KLHL15: variants seen among roughly 807,000 people sequenced by gnomAD.
KLHL15 encodes kelch-like protein 15.
A neutral mutation model predicts 29.3 loss-of-function variants in KLHL15; 1 was observed. That is an observed-to-expected ratio of 0.03 (90% CI 0.01 to 0.16). The LOEUF is 0.16. Among genes scored for constraint, KLHL15 ranks in the 10% least tolerant of loss-of-function variants. The probability of loss-of-function intolerance (pLI) is 1.00; values close to 1 mark genes in which losing one functional copy is unlikely to be tolerated. For synonymous variants in KLHL15, 212 were observed against 184.5 expected (o/e 1.15, Z -1.21); for missense variants, 215 against 478.5 (o/e 0.45, Z 5.14).
rs1485258523 is a variant in KLHL15 at position 24,002,058 on chromosome X, G to A, written c.705+3931C>T. ...TGAGGCAGGAGAATGGCGTGAACCC[G>A]GCAGGTGGAGCTTGCAGTGAGCTGA... is the stretch of plus-strand genomic sequence containing the variant. On this transcript the variant is annotated intron_variant, in intron 3 of 3. Transcript: ENST00000328046. Among the ~76,000 whole-genome samples, 6 of 109,490 alleles carry A rather than the reference G, an allele frequency of 5.5e-5. No homozygotes were observed. In the South Asian group the frequency reaches 1.9e-3, roughly 35 times the overall value.
intron 2 of KLHL15, among the ~76,000 whole-genome samples, chrX:24,010,577 A>G (rs779077310): frequency 2.7e-5 from 3 of 112,139 alleles, no homozygotes; most frequent in Admixed American, 1.9e-4. Flanking sequence ...AGAATATCTC[A>G]TGACTTGGAA....
intron 3 of KLHL15, among the ~76,000 whole-genome samples, chrX:24,005,648 G>A (rs755393795): frequency 5.4e-5 from 6 of 111,904 alleles, no homozygotes; most frequent in South Asian, 7.4e-4. Context: ...ACTCGGTTCC[G>A]ATTTAATTGA....
intron 2 of KLHL15, among the ~76,000 whole-genome samples, chrX:24,012,974 CAAG>C (rs749238499): frequency 3.2e-4 from 36 of 111,249 alleles, no homozygotes; most frequent in Non-Finnish European, 1.9e-4. Context: ...AGGGAGAACA[CAAG>C]AGGTCTATCT....
chrX:24,020,666 C>T (rs896226708), intron 2 of KLHL15, among the ~76,000 whole-genome samples: 5 of 111,319 alleles, frequency 4.5e-5, no homozygotes, highest in African/African-American at 1.3e-4. Context: ...CTGCTTATTC[C>T]ACACTATGAC....
intron 2 of KLHL15, among the ~76,000 whole-genome samples, chrX:24,013,130 C>A (rs1929607910): frequency 9.0e-6 from 1 of 111,567 alleles, no homozygotes; most frequent in Non-Finnish European, 1.9e-5. Flanking sequence ...CAGGGTCTTG[C>A]TATGTTCCCC....
At chrX:24,009,250 A>G (rs1447057683) in intron 2 of KLHL15, among the ~76,000 whole-genome samples, 3 of 110,928 alleles carry the variant, frequency 2.7e-5, no homozygotes, top group African/African-American at 9.8e-5. Context: ...TAATCCCAAC[A>G]CTTTGGGAGG....
At chrX:24,020,612 C>T (rs1298803099) in intron 2 of KLHL15, among the ~76,000 whole-genome samples, 8 of 111,131 alleles carry the variant, frequency 7.2e-5, no homozygotes, top group Non-Finnish European at 7.5e-5. Context: ...AAAAACCCTG[C>T]TTGAATGCTA....
chrX:23,992,579 C>A (rs1323495460), intron 3 of KLHL15, among the ~76,000 whole-genome samples: 1 of 112,084 alleles, frequency 8.9e-6, no homozygotes, highest in Admixed American at 9.6e-5. Context: ...AAGGAGAATG[C>A]TGCACATATT....
At chrX:23,995,224 T>C (rs1457914294) in intron 3 of KLHL15, among the ~76,000 whole-genome samples, 2 of 110,854 alleles carry the variant, frequency 1.8e-5, no homozygotes, top group African/African-American at 3.3e-5. Flanking sequence ...TGTTATATCA[T>C]AGTGAAACCC....
intron 1 of KLHL15, among the ~76,000 whole-genome samples, chrX:24,025,745 T>C (rs1264543141): frequency 9.2e-6 from 1 of 109,099 alleles, no homozygotes; most frequent in African/African-American, 3.3e-5. Context: ...CGGGGAAGGC[T>C]GTCCCGCGCC....
intron 2 of KLHL15, among the ~76,000 whole-genome samples, chrX:24,022,990 C>T (rs182433207): frequency 1.8e-5 from 2 of 111,568 alleles, no homozygotes; most frequent in Admixed American, 9.5e-5. Context: ...CCGCCTCGGC[C>T]TCCCAAAGTG....
chrX:24,020,022 G>A (rs774644783), intron 2 of KLHL15, among the ~76,000 whole-genome samples: 2 of 111,984 alleles, frequency 1.8e-5, no homozygotes, highest in Non-Finnish European at 3.8e-5. Context: ...ATTCTCAGAG[G>A]TTGATATAAT....
At chrX:23,999,363 A>AGGTG (rs1929260513) in intron 3 of KLHL15, among the ~76,000 whole-genome samples, 2 of 109,444 alleles carry the variant, frequency 1.8e-5, no homozygotes, top group Non-Finnish European at 3.8e-5. Flanking sequence ...TGGGAGGCCG[A>AGGTG]GGCAGACGGA....
chrX:24,006,145 G>A lies in KLHL15; in HGVS notation c.549C>T (p.Tyr183=), dbSNP rs767538016. Residue 183 remains tyrosine (Y), a synonymous_variant, in exon 3 of 4, where the codon TAC becomes TAT. Coordinates refer to ENST00000328046, the MANE Select transcript of KLHL15 (RefSeq NM_030624.3). ...ACCTGCTCAGATGATCATTATCCAA[G>A]TAAGACATGAGCTTCTCAAAGCTCA... The part of the protein sequence containing the change: ...SYLSFEKLMS[Y]LDNDHLSRFP... The A allele has an allele frequency of 3.2e-5, 39 of 1,209,793 alleles. No individual in the cohort carries two copies. The East Asian group carries it at 7.1e-4, about 22-fold the overall frequency.
At chrX:23,995,317 G>T (rs1929163972) in intron 3 of KLHL15, among the ~76,000 whole-genome samples, 1 of 102,255 alleles carries the variant, frequency 9.8e-6, no homozygotes, top group African/African-American at 3.6e-5. Context: ...TGAGGCAGGA[G>T]AATTGCTTGA....
intron 2 of KLHL15, among the ~76,000 whole-genome samples, chrX:24,008,272 GCT>G (rs1305913316): frequency 1.1e-4 from 12 of 112,027 alleles, no homozygotes; most frequent in Non-Finnish European, 1.9e-4. Flanking sequence ...TCGGAGTCTT[GCT>G]CTGTCATCCA....
intron 2 of KLHL15, among the ~76,000 whole-genome samples, chrX:24,013,057 A>C (rs756374445): frequency 3.2e-4 from 36 of 111,815 alleles, no homozygotes; most frequent in Non-Finnish European, 5.8e-4. Context: ...TAATACATTT[A>C]AGATAAAAGT....
chrX:24,018,770 G>A (rs1282335649), intron 2 of KLHL15, among the ~76,000 whole-genome samples: 1 of 111,462 alleles, frequency 9.0e-6, no homozygotes, highest in African/African-American at 3.3e-5. Context: ...GGGAGGTAGA[G>A]GTGGGCTGAT....
At chrX:24,003,647 ATG>A (rs10693389) in intron 3 of KLHL15, among the ~76,000 whole-genome samples, 3,325 of 96,214 alleles carry the variant, frequency 0.035, 55 homozygotes, top group African/African-American at 0.072. Flanking sequence ...GCATAAATAT[ATG>A]TGTGTGTGTG....
Sources: allele counts gnomAD v4.1 joint callset (sites outside exome capture counted in the v4.1 genomes callset), GRCh38; gene constraint gnomAD v4.1.1; transcripts MANE v1.5; gene names NCBI Gene and HGNC (gene_info 2026-07-23, HGNC 2026-07-21).